The following RELB variants were observed in gnomAD, a reference collection of about 807,000 sequenced individuals.
The protein encoded by RELB is RELB proto-oncogene, NF-kB subunit, also known as transcription factor RelB.
RELB carries 14 observed loss-of-function variants against 55.4 expected under a neutral mutation model. The observed-to-expected ratio is 0.25, with a 90% CI of 0.17 to 0.40. The LOEUF is 0.40. RELB is among the 10% of genes least tolerant of loss of function. The pLI is 1.00. For missense variants in RELB, 669 were observed against 830.7 expected, an observed-to-expected ratio of 0.81 and a Z score of 2.39; for synonymous variants, 409 against 371.3, an observed-to-expected ratio of 1.10 and a Z score of -1.17.
chr19:45,006,936 CA>C (rs1250455658), intron 2 of RELB, among the ~76,000 whole-genome samples: 1 of 122,876 alleles, frequency 8.1e-6, no homozygotes, highest in Non-Finnish European at 1.7e-5. Context: ...GCCTGGGTGA[CA>C]ACAGCAAAAC....
At chr19:45,033,703 C>T (rs985769445) in intron 9 of RELB, among the ~76,000 whole-genome samples, 8 of 149,850 alleles carry the variant, frequency 5.3e-5, no homozygotes, top group Admixed American at 3.3e-4. Context: ...CCACCATGCC[C>T]GGCTAATTTT....
chr19:45,014,262 C>T (rs1039047262), intron 4 of RELB, among the ~76,000 whole-genome samples: 19 of 151,370 alleles, frequency 1.3e-4, no homozygotes, highest in Non-Finnish European at 2.2e-4. Flanking sequence ...CTCCACCTCC[C>T]AGGCTCAAGA....
At chr19:45,023,397 C>A (rs1415337518) in intron 5 of RELB, among the ~76,000 whole-genome samples, 1 of 138,462 alleles carries the variant, frequency 7.2e-6, no homozygotes, top group East Asian at 2.1e-4. Context: ...GTTTTCTTTC[C>A]TTCCTTCCTT....
At chr19:45,031,866 G>A (rs372986580) in intron 8 of RELB, among the ~76,000 whole-genome samples, 21 of 151,398 alleles carry the variant, frequency 1.4e-4, no homozygotes, top group South Asian at 1.3e-3. Context: ...GTGAGCCACC[G>A]TGCCTGGCAA....
chr19:45,001,683 T>C lies in RELB; in HGVS notation c.104T>C (p.Leu35Ser). ...CCGGCTGCGCCGGAGCTGGGGGCCT[T>C]AGGTAAGCGGGGCTGGGGTTCAGGA... ...RPPAAPELGA[L>S]GSPDLSSLSL... Residue 35 changes from leucine to serine, a missense_variant and splice_region_variant, in exon 1 of 12, where the codon TTA becomes TCA. Coordinates refer to ENST00000221452, the MANE Select transcript of RELB (RefSeq NM_006509.4). 6.6e-7 allele frequency: 1 copy of C among 1,515,460 alleles called. No homozygotes were observed. The highest frequency in any genetic ancestry group is 8.8e-7 in the Non-Finnish European group (1 of 1,136,336). 93.9% of individuals were successfully genotyped at this position (1,515,460 alleles called of 1,614,324 possible).
chr19:45,008,075 C>T (rs1343109967), intron 2 of RELB, among the ~76,000 whole-genome samples: 1 of 146,666 alleles, frequency 6.8e-6, no homozygotes, highest in Non-Finnish European at 1.5e-5. Context: ...GAGGCTGAGA[C>T]AGGAGAATCA....
At chr19:45,022,487 A>G (rs1423205365) in intron 5 of RELB, among the ~76,000 whole-genome samples, 2 of 151,394 alleles carry the variant, frequency 1.3e-5, no homozygotes, top group African/African-American at 4.9e-5. Flanking sequence ...CAGAGCTGGG[A>G]TTTGACTGCA....
chr19:45,012,181 G>A lies in RELB; in HGVS notation c.409G>A (p.Gly137Ser), dbSNP rs749298767. 1 of 1,546,958 alleles carries A rather than the reference G, an allele frequency of 6.5e-7. No homozygotes were observed. Among genetic ancestry groups the A allele is most frequent in the Non-Finnish European group, 8.6e-7 (1 of 1,158,226 alleles). Residue 137 changes from glycine (G) to serine (S), a missense_variant, in exon 4 of 12, where the codon GGC becomes AGC. This residue lies in a region of RELB where 323 missense variants were observed against 368.5 expected (regional missense o/e 0.88). Coordinates refer to ENST00000221452, the MANE Select transcript of RELB (RefSeq NM_006509.4). ...LVITEQPKQR[G>S]MRFRYECEGR... ...CATCACGGAGCAGCCCAAGCAGCGCGGCATGCGCTTCCGCTACGAGTGCGA... is the reference window on the plus strand; with the variant it reads ...CATCACGGAGCAGCCCAAGCAGCGCAGCATGCGCTTCCGCTACGAGTGCGA...
intron 4 of RELB, among the ~76,000 whole-genome samples, chr19:45,015,199 G>A (rs1427404389): frequency 1.3e-5 from 2 of 152,086 alleles, no homozygotes; most frequent in Non-Finnish European, 2.9e-5. Flanking sequence ...CAGCATGCCT[G>A]GCTTGGATTC....
rs1177575967 is a variant in RELB at position 45,001,627 on chromosome 19, G to C, written c.48G>C (p.Arg16=). ...PASGPSVPTG[R]AMPSRRVARP... is the part of the protein sequence containing the mutation. ...CTGGGCCGTCCGTCCCCACTGGCCG[G>C]GCCATGCCGAGTCGCCGCGTCGCCA... Residue 16 remains arginine, a synonymous_variant, in exon 1 of 12, where the codon CGG becomes CGC. Coordinates refer to ENST00000221452, the MANE Select transcript of RELB (RefSeq NM_006509.4). The C allele has an allele frequency of 7.9e-6, 12 of 1,523,864 alleles. No individual in the cohort carries two copies. In the East Asian group the frequency reaches 1.5e-4, roughly 19 times the overall value. The allele number at this position is 1,523,864 out of a possible 1,614,324, so 94.4% of individuals were successfully genotyped here.
chr19:45,010,788 C>T (rs1414543931), intron 3 of RELB, among the ~76,000 whole-genome samples: 2 of 152,206 alleles, frequency 1.3e-5, no homozygotes, highest in African/African-American at 2.4e-5. Flanking sequence ...AGCAATTCTC[C>T]TGCCTCAGCC....
At chr19:45,011,867 C>G (rs1157896484) in intron 3 of RELB, 69 bp from the exon 4 acceptor site, 141 of 934,986 alleles carry the variant, frequency 1.5e-4, no homozygotes, top group South Asian at 2.2e-4. Flanking sequence ...CGGGGGTAAT[C>G]AAGCCTTTTT....
intron 4 of RELB, among the ~76,000 whole-genome samples, chr19:45,013,930 C>T (rs1367504405): frequency 6.6e-6 from 1 of 152,154 alleles, no homozygotes; most frequent in Non-Finnish European, 1.5e-5. Context: ...GGCAGAAACA[C>T]TCCAGCAGTG....
At chr19:45,021,626 G>C (rs923577933) in intron 4 of RELB, among the ~76,000 whole-genome samples, 1 of 130,080 alleles carries the variant, frequency 7.7e-6, no homozygotes, top group African/African-American at 2.9e-5. Flanking sequence ...CCAGGCTGGA[G>C]TGCAGTGTCA....
chr19:45,038,042 C>T lies in RELB; in HGVS notation c.*252C>T, dbSNP rs1671063287. Reference sequence around the variant, plus strand: ...TAGCTTGTTACAGCTGCCTCTGTCCCCACATGTGGGGGCACCTTCTCCAGT... The same window carrying T: ...TAGCTTGTTACAGCTGCCTCTGTCCTCACATGTGGGGGCACCTTCTCCAGT... On this transcript the variant is annotated 3_prime_UTR_variant, in exon 12 of 12. Coordinates refer to ENST00000221452, the MANE Select transcript of RELB (RefSeq NM_006509.4). 1 of 400,522 alleles carries T rather than the reference C, an allele frequency of 2.5e-6. No homozygotes were observed. The highest frequency in any genetic ancestry group is 2.1e-5 in the African/African-American group (1 of 48,468). The allele number at this position is 400,522 out of a possible 1,614,324, so 24.8% of individuals were successfully genotyped here. A position where few individuals can be genotyped will look rare whatever the true frequency, so the allele number is the denominator to read the frequency against.
At chr19:45,021,867 G>T in intron 4 of RELB, 186 bp from the exon 5 acceptor site, 1 of 536,144 alleles carries the variant, frequency 1.9e-6, no homozygotes, top group East Asian at 3.4e-5. Context: ...GAGCCACCTC[G>T]CCCGGCCCAA....
chr19:45,021,239 C>T (rs1053993510), intron 4 of RELB, among the ~76,000 whole-genome samples: 12 of 151,856 alleles, frequency 7.9e-5, no homozygotes, highest in East Asian at 3.9e-4. Context: ...TTTGGGAGGC[C>T]GAGGCGGGCG....
chr19:45,028,253 C>T (rs962407367), intron 7 of RELB, among the ~76,000 whole-genome samples: 6 of 152,012 alleles, frequency 3.9e-5, no homozygotes, highest in Middle Eastern at 3.4e-3. Flanking sequence ...AACTTCTGGC[C>T]TCACGTGATC....
chr19:45,034,504 C>A lies in RELB; in HGVS notation c.1330C>A (p.His444Asn). The A allele has an allele frequency of 6.2e-7, 1 of 1,607,778 alleles. No individual in the cohort carries two copies. Among genetic ancestry groups the A allele is most frequent in the Non-Finnish European group, 8.5e-7 (1 of 1,177,192 alleles). ...GAAGAAAAAGCCGGCCATCCTGGACCACTTCCTGCCCAACCACGGCTCAGG... is the reference window on the plus strand; with the variant it reads ...GAAGAAAAAGCCGGCCATCCTGGACAACTTCCTGCCCAACCACGGCTCAGG... ...RRKKKPAILD[H>N]FLPNHGSGPF... Residue 444 changes from histidine (H) to asparagine (N), a missense_variant, in exon 11 of 12, where the codon CAC becomes AAC. Physicochemically the swap from His to Asn is moderately conservative, Grantham distance 68. Coordinates refer to ENST00000221452, the MANE Select transcript of RELB (RefSeq NM_006509.4).
Sources: allele counts gnomAD v4.1 joint callset (sites outside exome capture counted in the v4.1 genomes callset), GRCh38; gene constraint gnomAD v4.1.1; regional missense constraint gnomAD v4.1.1; transcripts MANE v1.5; gene names NCBI Gene and HGNC (gene_info 2026-07-23, HGNC 2026-07-21).